TBC1D2B: variants seen among roughly 807,000 people sequenced by gnomAD.
TBC1D2B encodes TBC1 domain family, member 2B.
In TBC1D2B, 64 loss-of-function variants were observed where a neutral mutation model predicts 100.8. The ratio of observed to expected loss-of-function variants is 0.64; its 90% CI spans 0.52 to 0.78. The LOEUF (loss-of-function observed/expected upper bound fraction) is 0.78, where lower values mean the gene tolerates loss of function less well. Ranked by LOEUF, TBC1D2B falls within the 30% of genes least tolerant of loss-of-function variation. The pLI is 0.00. For missense variants in TBC1D2B, 1,052 were observed against 1,218.4 expected (o/e 0.86, Z 2.03); for synonymous variants, 480 against 479.7 (o/e 1.00, Z -0.01).
intron 1 of TBC1D2B, among the ~76,000 whole-genome samples, chr15:78,071,162 C>T (rs544684035): frequency 6.6e-6 from 1 of 152,172 alleles, no homozygotes; most frequent in South Asian, 2.1e-4. Context: ...GGGATAGGGT[C>T]TCACTTTGTT....
chr15:78,064,088 A>C (rs1341150876), intron 1 of TBC1D2B, among the ~76,000 whole-genome samples: 1 of 152,080 alleles, frequency 6.6e-6, no homozygotes, highest in African/African-American at 2.4e-5. Flanking sequence ...ACAGAACTAT[A>C]ACCTTTCTCC....
intron 1 of TBC1D2B, among the ~76,000 whole-genome samples, chr15:78,059,826 G>C (rs150615447): frequency 8.0e-4 from 122 of 152,184 alleles, no homozygotes; most frequent in African/African-American, 2.8e-3. Context: ...AAAGTTGTTT[G>C]ATTACAAGTT....
intron 1 of TBC1D2B, among the ~76,000 whole-genome samples, chr15:78,067,756 G>A (rs1567035721): frequency 2.0e-5 from 3 of 152,188 alleles, no homozygotes; most frequent in East Asian, 3.8e-4. Context: ...AGTTCTCCCA[G>A]GCAATCTCTG....
At chr15:78,031,516 T>C (rs1174570893) in intron 3 of TBC1D2B, among the ~76,000 whole-genome samples, 1 of 116,412 alleles carries the variant, frequency 8.6e-6, no homozygotes, top group Non-Finnish European at 1.6e-5. Context: ...ATCACCCCAC[T>C]GCACTCCAGC....
Position 78,017,910 on chromosome 15 carries a change from C to T in TBC1D2B, c.1518G>A (p.Glu506=). The part of the protein sequence containing the change: ...YKTQNKFLNK[E]ILELSALRRN... ...TTCGTAGAGCTGAGAGTTCCAAAAT[C>T]TCCTTATTTAGAAATTTGTTTTGGG... The change falls in exon 7 of 13, where the codon GAG becomes GAA. Residue 506 remains glutamate, a synonymous_variant. Coordinates refer to ENST00000300584, the MANE Select transcript of TBC1D2B (RefSeq NM_144572.2). 1 of 1,611,096 alleles carries T rather than the reference C, an allele frequency of 6.2e-7. No individual in the cohort carries two copies. The highest frequency in any genetic ancestry group is 1.1e-5 in the South Asian group (1 of 90,514).
intron 3 of TBC1D2B, among the ~76,000 whole-genome samples, chr15:78,031,047 A>C (rs1157956740): frequency 6.6e-6 from 1 of 152,244 alleles, no homozygotes; most frequent in African/African-American, 2.4e-5. Flanking sequence ...CATAGGGATA[A>C]ACATTTTTTA....
At chr15:78,017,043 C>G in intron 7 of TBC1D2B, 1 of 259,108 alleles carries the variant, frequency 3.9e-6, no homozygotes, top group Non-Finnish European at 7.4e-6. Flanking sequence ...ATGCCAATTA[C>G]TGAGGTCCAG....
At chr15:78,018,055 T>C in intron 6 of TBC1D2B, 98 bp from the exon 7 acceptor site, 1 of 604,808 alleles carries the variant, frequency 1.7e-6, no homozygotes, top group South Asian at 2.4e-5. Flanking sequence ...ACCAATCAAA[T>C]AGCCCTGCTA....
chr15:78,024,110 CG>C, intron 6 of TBC1D2B, 45 bp downstream of exon 6: 2 of 1,557,602 alleles, frequency 1.3e-6, no homozygotes, highest in Non-Finnish European at 1.7e-6. Context: ...GGGGTGACAT[CG>C]GTGGTCTCTC....
intron 3 of TBC1D2B, among the ~76,000 whole-genome samples, chr15:78,042,308 G>A (rs1171147333): frequency 6.6e-6 from 1 of 152,106 alleles, no homozygotes; most frequent in Non-Finnish European, 1.5e-5. Context: ...TGAAAATCTG[G>A]CAAATCAATA....
At chr15:78,012,677 A>T (rs558290178) in intron 9 of TBC1D2B, 146 bp downstream of exon 9, 4 of 747,060 alleles carry the variant, frequency 5.4e-6, no homozygotes, top group Non-Finnish European at 5.7e-6. Context: ...GATATTGTGT[A>T]ATGAAAACTG....
intron 2 of TBC1D2B, among the ~76,000 whole-genome samples, chr15:78,050,530 A>G (rs1242121066): frequency 1.3e-5 from 2 of 152,238 alleles, no homozygotes; most frequent in African/African-American, 4.8e-5. Flanking sequence ...TTAGCCATTT[A>G]TGGGCACCTC....
chr15:78,002,385 T>C (rs2071937875), intron 11 of TBC1D2B: 1 of 152,298 alleles, frequency 6.6e-6, no homozygotes, highest in South Asian at 2.1e-4. Flanking sequence ...GGTTTCACCA[T>C]GTTAGCCACG....
chr15:78,061,767 T>C (rs2073551180), intron 1 of TBC1D2B, among the ~76,000 whole-genome samples: 1 of 151,596 alleles, frequency 6.6e-6, no homozygotes, highest in Non-Finnish European at 1.5e-5. Context: ...TTAATAAATT[T>C]AATAAAAACC....
chr15:78,034,552 G>A, intron 3 of TBC1D2B: 1 of 985,414 alleles, frequency 1.0e-6, no homozygotes. Flanking sequence ...AATAAGAGCA[G>A]GGACACCCCC....
chr15:78,026,953 G>GT (rs1193277593), intron 4 of TBC1D2B, among the ~76,000 whole-genome samples: 4 of 151,790 alleles, frequency 2.6e-5, no homozygotes, highest in Non-Finnish European at 4.4e-5. Flanking sequence ...AGGCACAGTG[G>GT]TATGTACCTG....
chr15:78,007,370 T>C (rs1417168691), intron 10 of TBC1D2B, among the ~76,000 whole-genome samples: 1 of 152,128 alleles, frequency 6.6e-6, no homozygotes, highest in Non-Finnish European at 1.5e-5. Flanking sequence ...GACAGGCCGG[T>C]GGCCCCACTG....
chr15:78,048,100 C>T (rs1172530649), intron 2 of TBC1D2B, among the ~76,000 whole-genome samples: 1 of 152,162 alleles, frequency 6.6e-6, no homozygotes, highest in African/African-American at 2.4e-5. Flanking sequence ...AACCCCAGGC[C>T]TTGCAGCAAC....
intron 12 of TBC1D2B, chr15:77,998,728 A>G (rs968688932): frequency 5.8e-5 from 11 of 189,480 alleles, no homozygotes; most frequent in Non-Finnish European, 1.1e-4. Flanking sequence ...CGGCACTTGC[A>G]TGGTGATGGC....
Sources: allele counts gnomAD v4.1 joint callset (sites outside exome capture counted in the v4.1 genomes callset), GRCh38; gene constraint gnomAD v4.1.1; transcripts MANE v1.5; gene names NCBI Gene and HGNC (gene_info 2026-07-23, HGNC 2026-07-21).